Variants in KREMEN1 observed in about 807,000 individuals in gnomAD.
The protein encoded by KREMEN1 is kringle containing transmembrane protein 1, also known as kremen protein 1.
Under a neutral mutation model 46.5 loss-of-function variants are expected in KREMEN1, and 30 were observed. The ratio of observed to expected loss-of-function variants is 0.65; its 90% CI spans 0.48 to 0.88. The LOEUF (loss-of-function observed/expected upper bound fraction) is 0.88, where lower values mean the gene tolerates loss of function less well. Ranked by LOEUF, KREMEN1 falls within the 40% of genes least tolerant of loss-of-function variation. The pLI is 0.00. For missense variants in KREMEN1, 533 were observed against 596.9 expected, an observed-to-expected ratio of 0.89 and a Z score of 1.11; for synonymous variants, 214 against 230.6, an observed-to-expected ratio of 0.93 and a Z score of 0.65.
At chr22:29,092,966 C>T (rs949510435) in intron 1 of KREMEN1, among the ~76,000 whole-genome samples, 3 of 152,102 alleles carry the variant, frequency 2.0e-5, no homozygotes, top group African/African-American at 4.8e-5. Context: ...CAGAGTGAGA[C>T]TCCATTCAAA....
intron 3 of KREMEN1, among the ~76,000 whole-genome samples, chr22:29,105,986 A>G (rs1195817515): frequency 1.3e-5 from 2 of 152,264 alleles, no homozygotes; most frequent in African/African-American, 4.8e-5. Context: ...CCCAAAAAAT[A>G]GGATGTGAAA....
chr22:29,095,207 A>G (rs2037866599), intron 2 of KREMEN1, among the ~76,000 whole-genome samples: 1 of 152,226 alleles, frequency 6.6e-6, no homozygotes, highest in African/African-American at 2.4e-5. Context: ...AGCTGTATCC[A>G]TCAGATGTGT....
chr22:29,126,721 A>G (rs1190839170), intron 5 of KREMEN1, among the ~76,000 whole-genome samples: 2 of 152,190 alleles, frequency 1.3e-5, no homozygotes, highest in African/African-American at 2.4e-5. Flanking sequence ...AGCCTTTTAC[A>G]TGTTATAGCT....
At chr22:29,162,605 C>G (rs2039021237) in intron 9 of KREMEN1, among the ~76,000 whole-genome samples, 1 of 151,906 alleles carries the variant, frequency 6.6e-6, no homozygotes, top group Non-Finnish European at 1.5e-5. Context: ...GTAATCTCAG[C>G]TACTCGGGAG....
chr22:29,148,459 G>GTT (rs71196635), downstream of KREMEN1, among the ~76,000 whole-genome samples: 3 of 143,280 alleles, frequency 2.1e-5, no homozygotes, highest in African/African-American at 2.5e-5. Flanking sequence ...TGTTTTTTTT[G>GTT]TTTTTTTTTT....
chr22:29,158,319 A>G (rs879582717), intron 9 of KREMEN1, among the ~76,000 whole-genome samples: 2 of 152,222 alleles, frequency 1.3e-5, no homozygotes, highest in African/African-American at 4.8e-5. Flanking sequence ...GGGAAACCCA[A>G]TAGCCCTGAA....
intron 6 of KREMEN1, among the ~76,000 whole-genome samples, chr22:29,138,267 C>G (rs2038702266): frequency 1.3e-5 from 2 of 152,208 alleles, no homozygotes; most frequent in African/African-American, 4.8e-5. Context: ...GCCCTCTCTC[C>G]AGGTGGGACA....
intron 3 of KREMEN1, among the ~76,000 whole-genome samples, chr22:29,116,581 A>G (rs1483476794): frequency 6.6e-6 from 1 of 152,206 alleles, no homozygotes; most frequent in African/African-American, 2.4e-5. Flanking sequence ...AATGCAAGCC[A>G]TGGCCATGTT....
intron 7 of KREMEN1, 151 bp from the exon 8 acceptor site, chr22:29,140,131 C>CT: frequency 1.6e-6 from 1 of 635,004 alleles, no homozygotes; most frequent in Admixed American, 2.7e-5. Context: ...CCTGGGTCAG[C>CT]TGCTCCTGAG....
In KREMEN1 at chr22:29,146,199, T is replaced by C; in HGVS notation, c.*4087T>C. ...TTCCTACCTTGGGAGTTTGGATTGTTTCCTCTGGTGTCTTTGTTTACCTTC... is the reference window on the plus strand; with the variant it reads ...TTCCTACCTTGGGAGTTTGGATTGTCTCCTCTGGTGTCTTTGTTTACCTTC... On this transcript the variant is annotated 3_prime_UTR_variant, in exon 9 of 9. Coordinates refer to ENST00000400335, the MANE Select transcript of KREMEN1 (RefSeq NM_001039570.3). 19 of 985,968 alleles carry C rather than the reference T, an allele frequency of 1.9e-5. No individual in the cohort carries two copies. Among genetic ancestry groups the C allele is most frequent in the Non-Finnish European group, 2.3e-5 (19 of 830,018 alleles). The allele number at this position is 985,968 out of a possible 1,614,324, so 61.1% of individuals were successfully genotyped here.
intron 5 of KREMEN1, among the ~76,000 whole-genome samples, chr22:29,126,250 G>T (rs2038440948): frequency 6.6e-6 from 1 of 152,134 alleles, no homozygotes; most frequent in Non-Finnish European, 1.5e-5. Flanking sequence ...AATGACATAT[G>T]GTTTATTAGT....
rs536076564 is a variant in KREMEN1, at chr22:29,100,176, C to T, written c.352+1223C>T. 5.3e-5 allele frequency among the ~76,000 whole-genome samples: 8 copies of T among 151,486 alleles called. No homozygotes were observed. In the East Asian group the frequency reaches 5.9e-4, roughly 11 times the overall value. ...GTGCCATCTCAACTCACTGCAACGG[C>T]GCCATCTCGGCTCACTGCAACCTCC... On this transcript the variant is annotated intron_variant, in intron 3 of 8. Transcript: ENST00000400335.
intron 5 of KREMEN1, 132 bp downstream of exon 5, chr22:29,125,548 C>A: frequency 1.1e-6 from 1 of 897,516 alleles, no homozygotes; most frequent in Middle Eastern, 3.4e-4. Flanking sequence ...TGTGACTAGA[C>A]CCTGGGAATA....
At chr22:29,159,022 T>A (rs528738908) in intron 9 of KREMEN1, among the ~76,000 whole-genome samples, 1 of 152,260 alleles carries the variant, frequency 6.6e-6, no homozygotes, top group Admixed American at 6.5e-5. Context: ...TTTCTCCATG[T>A]TGGCCAGAGC....
At chr22:29,088,145 T>C (rs1460466641) in intron 1 of KREMEN1, among the ~76,000 whole-genome samples, 2 of 152,214 alleles carry the variant, frequency 1.3e-5, no homozygotes, top group Non-Finnish European at 2.9e-5. Context: ...ACGCTAGGAT[T>C]CAACACAGGA....
rs61751700 is a variant in KREMEN1, at chr22:29,121,475, G to A, written c.471G>A (p.Arg157=). 4 of 1,614,006 alleles carry A rather than the reference G, an allele frequency of 2.5e-6. No homozygotes were observed. Among genetic ancestry groups the A allele is most frequent in the African/African-American group, 1.3e-5 (1 of 75,034 alleles). The change falls in exon 4 of 9, where the codon AGG becomes AGA. Residue 157 remains arginine (R), a synonymous_variant. Transcript: ENST00000400335. ...GCATCAGTTTTTGTCGGAGTCAGAG[G>A]TTCAAGGTGATGACTCTGTGGCTGT... ...QTCISFCRSQ[R]FKFAGMESGY...
intron 3 of KREMEN1, among the ~76,000 whole-genome samples, chr22:29,115,555 A>C (rs1003933769): frequency 5.9e-5 from 9 of 151,984 alleles, no homozygotes; most frequent in African/African-American, 1.2e-4. Context: ...GACCGGGACC[A>C]CTCCAGGCCC....
chr22:29,143,356 G>GT lies in KREMEN1; in HGVS notation c.*1245dup. The GT allele has an allele frequency of 1.0e-6, 1 of 985,454 alleles. No individual in the cohort carries two copies. 61.0% of individuals were successfully genotyped at this position (985,454 alleles called of 1,614,324 possible). ...GCTAACTCTCAGTTCAGAGTGGAGA[G>GT]TATCAATCTTGTGTTTTTGCCCTTA... On this transcript the variant is annotated 3_prime_UTR_variant, in exon 9 of 9. Transcript: ENST00000400335.
At chr22:29,077,419 G>A (rs2037590205) in intron 1 of KREMEN1, among the ~76,000 whole-genome samples, 1 of 152,064 alleles carries the variant, frequency 6.6e-6, no homozygotes, top group Non-Finnish European at 1.5e-5. Flanking sequence ...GCGCAATCTC[G>A]GCTCACTGCA....
Sources: allele counts gnomAD v4.1 joint callset (sites outside exome capture counted in the v4.1 genomes callset), GRCh38; gene constraint gnomAD v4.1.1; transcripts MANE v1.5; gene names NCBI Gene and HGNC (gene_info 2026-07-23, HGNC 2026-07-21).